The following DLG2 variants were observed in gnomAD, a reference collection of about 807,000 sequenced individuals.
DLG2 encodes disks large homolog 2.
A neutral mutation model predicts 132.5 loss-of-function variants in DLG2; 45 were observed. The observed-to-expected ratio is 0.34, with a 90% CI of 0.27 to 0.44. DLG2 has a LOEUF of 0.44. Among genes scored for constraint, DLG2 ranks in the 20% least tolerant of loss-of-function variants. The probability of loss-of-function intolerance (pLI) is 1.00; values close to 1 mark genes in which losing one functional copy is unlikely to be tolerated. For missense variants in DLG2, 1,045 were observed against 1,196.9 expected (o/e 0.87, Z 1.87); for synonymous variants, 424 against 419.6 (o/e 1.01, Z -0.13).
chr11:84,218,572 C>A (rs183293883), intron 8 of DLG2, among the ~76,000 whole-genome samples: 1 of 152,266 alleles, frequency 6.6e-6, no homozygotes. Flanking sequence ...AAAACGGTAT[C>A]CCTTGTCTGT....
intron 7 of DLG2, among the ~76,000 whole-genome samples, chr11:84,327,629 C>T (rs1335265548): frequency 6.6e-6 from 1 of 152,082 alleles, no homozygotes. Context: ...TTACATAAGA[C>T]ATCTTGCAGT....
intron 4 of DLG2, among the ~76,000 whole-genome samples, chr11:85,228,783 G>A (rs2075124301): frequency 6.6e-6 from 1 of 151,500 alleles, no homozygotes; most frequent in Non-Finnish European, 1.5e-5. Flanking sequence ...CAATATGACA[G>A]TCTCTGACTT....
At chr11:84,394,690 G>C (rs1033852450) in intron 7 of DLG2, among the ~76,000 whole-genome samples, 2 of 115,410 alleles carry the variant, frequency 1.7e-5, no homozygotes. Context: ...GTGCAATGGC[G>C]TGATCTCAGC....
At chr11:85,166,583 TCTC>T (rs1222390033) in intron 4 of DLG2, among the ~76,000 whole-genome samples, 1 of 152,052 alleles carries the variant, frequency 6.6e-6, no homozygotes, top group African/African-American at 2.4e-5. Flanking sequence ...GAAATATTCT[TCTC>T]CTCTACACCT....
chr11:83,471,820 G>T, intron 23 of DLG2, 93 bp from the exon 24 acceptor site: 2 of 975,192 alleles, frequency 2.1e-6, no homozygotes, highest in Non-Finnish European at 3.2e-6. Flanking sequence ...TTGCCAGACA[G>T]TAAGAGATGC....
intron 3 of DLG2, among the ~76,000 whole-genome samples, chr11:85,443,944 TC>T (rs1443966317): frequency 6.6e-6 from 1 of 152,238 alleles, no homozygotes; most frequent in Non-Finnish European, 1.5e-5. Context: ...TACAACCTCT[TC>T]CAGCTCTTTA....
At chr11:83,568,494 C>A (rs1290390769) in intron 19 of DLG2, among the ~76,000 whole-genome samples, 2 of 152,030 alleles carry the variant, frequency 1.3e-5, no homozygotes, top group Admixed American at 1.3e-4. Flanking sequence ...GAAATTAAAG[C>A]TAATGGAAAT....
At chr11:85,088,253 A>C (rs2068249432) in intron 6 of DLG2, among the ~76,000 whole-genome samples, 1 of 152,196 alleles carries the variant, frequency 6.6e-6, no homozygotes, top group African/African-American at 2.4e-5. Context: ...AAACAAAGCG[A>C]CCTGAGCAAT....
chr11:84,888,765 C>A (rs551121206), intron 6 of DLG2, among the ~76,000 whole-genome samples: 7 of 152,134 alleles, frequency 4.6e-5, no homozygotes, highest in African/African-American at 1.4e-4. Context: ...TTCCTTCATT[C>A]TTTCCAGAGA....
chr11:84,893,133 T>A (rs1039024289), intron 6 of DLG2, among the ~76,000 whole-genome samples: 1 of 152,172 alleles, frequency 6.6e-6, no homozygotes, highest in Non-Finnish European at 1.5e-5. Context: ...GGCTGGAGCA[T>A]CCGTTTCCTC....
chr11:85,021,808 C>T (rs951596835), intron 6 of DLG2, among the ~76,000 whole-genome samples: 10 of 152,242 alleles, frequency 6.6e-5, no homozygotes, highest in African/African-American at 1.9e-4. Context: ...GTGGGTAATG[C>T]AGCCACAACT....
At chr11:84,840,243 T>A (rs1279047866) in intron 6 of DLG2, among the ~76,000 whole-genome samples, 1 of 152,116 alleles carries the variant, frequency 6.6e-6, no homozygotes, top group African/African-American at 2.4e-5. Context: ...GAAAAAATGC[T>A]CATCATTACT....
intron 6 of DLG2, among the ~76,000 whole-genome samples, chr11:85,097,019 A>G (rs1251829634): frequency 2.0e-5 from 3 of 152,130 alleles, no homozygotes. Flanking sequence ...CCCTGCGGCC[A>G]TGAGCAGAAC....
At chr11:85,338,798 G>A (rs1010930522) in intron 3 of DLG2, among the ~76,000 whole-genome samples, 1 of 149,558 alleles carries the variant, frequency 6.7e-6, no homozygotes, top group Non-Finnish European at 1.5e-5. Context: ...TCCGCCTCCC[G>A]GGTTCACTCC....
chr11:85,109,118 T>C lies in DLG2; in HGVS notation c.357+2543A>G, dbSNP rs190158170. 1.9e-3 allele frequency among the ~76,000 whole-genome samples: 292 copies of C among 152,184 alleles called. 1 individual carries two copies. Among genetic ancestry groups the C allele is most frequent in the Non-Finnish European group, 3.4e-3 (233 of 67,970 alleles). On this transcript the variant is annotated intron_variant, in intron 6 of 27. Coordinates refer to ENST00000376104, the MANE Select transcript of DLG2 (RefSeq NM_001142699.3). ...AATGTCTTCCTCCTGGATCAGTCAG[T>C]CCTGGCCAAGGGCAGGCTCACATAA...
At chr11:85,491,965 A>G (rs1000767906) in intron 3 of DLG2, among the ~76,000 whole-genome samples, 1 of 149,590 alleles carries the variant, frequency 6.7e-6, no homozygotes. Context: ...TCAAAGCTAG[A>G]GGCATCACAC....
intron 6 of DLG2, among the ~76,000 whole-genome samples, chr11:84,843,693 C>T (rs1429420248): frequency 5.3e-5 from 8 of 151,660 alleles, no homozygotes; most frequent in Non-Finnish European, 1.2e-4. Flanking sequence ...ATACCTAATA[C>T]GATGGTAATG....
At chr11:85,459,376 A>G (rs1211651321) in intron 3 of DLG2, among the ~76,000 whole-genome samples, 1 of 151,982 alleles carries the variant, frequency 6.6e-6, no homozygotes, top group Non-Finnish European at 1.5e-5. Flanking sequence ...CCATATGGTG[A>G]CTGTGGTGTA....
rs537840647 is a variant in DLG2, at chr11:84,676,091, C to T, written c.358-141360G>A. 6.0e-4 allele frequency among the ~76,000 whole-genome samples: 92 copies of T among 152,174 alleles called. 1 individual carries two copies. In the South Asian group the frequency reaches 0.011, roughly 19 times the overall value. On this transcript the variant is annotated intron_variant, in intron 6 of 27. Transcript: ENST00000376104. ...TTACTAGTAACAAGGGTGGTACTATCATTCTCCTGCTGACTTGCTTCTCAA... is the reference window on the plus strand; with the variant it reads ...TTACTAGTAACAAGGGTGGTACTATTATTCTCCTGCTGACTTGCTTCTCAA...
Sources: gnomAD v4.1 joint callset for allele counts (sites outside exome capture counted in the v4.1 genomes callset) on GRCh38, gnomAD v4.1.1 for gene constraint, MANE v1.5 for transcripts, NCBI Gene and HGNC (gene_info 2026-07-23, HGNC 2026-07-21) for gene names.